Variants in PDK1 observed in about 807,000 individuals in gnomAD.
PDK1 encodes the protein pyruvate dehydrogenase kinase 1, also known as [Pyruvate dehydrogenase (acetyl-transferring)] kinase isozyme 1, mitochondrial.
In PDK1, 39 loss-of-function variants were observed where a neutral mutation model predicts 54.2. The ratio of observed to expected loss-of-function variants is 0.72; its 90% CI spans 0.56 to 0.94. The LOEUF (loss-of-function observed/expected upper bound fraction) is 0.94. Ranked by LOEUF, PDK1 falls within the 40% of genes least tolerant of loss-of-function variation. The pLI is 0.00. For missense variants in PDK1, 552 were observed against 566.0 expected (o/e 0.98, Z 0.25); for synonymous variants, 221 against 207.1 (o/e 1.07, Z -0.58).
the PDK1 span, among the ~76,000 whole-genome samples, chr2:172,704,568 C>T: frequency 6.6e-6 from 1 of 152,162 alleles, no homozygotes; most frequent in Admixed American, 6.5e-5. Flanking sequence ...ACAGGTTCTA[C>T]AGAGTGTGAG....
intron 8 of PDK1, among the ~76,000 whole-genome samples, chr2:172,579,517 C>T (rs899686565): frequency 9.6e-5 from 14 of 145,716 alleles, no homozygotes; most frequent in South Asian, 2.2e-4. Flanking sequence ...CCCCCTCCCC[C>T]GCTCTTTCTT....
the PDK1 span, among the ~76,000 whole-genome samples, chr2:172,682,535 G>T: frequency 6.6e-6 from 1 of 152,190 alleles, no homozygotes; most frequent in African/African-American, 2.4e-5. Context: ...TGGCTAACCA[G>T]GGACCACATT....
Position 172,595,867 on chromosome 2 carries a change from T to C in PDK1, c.1209T>C (p.Tyr403=), listed in dbSNP as rs1271470692. ...ACTCAATAGAAAGACTCCCAGTGTATAACAAAGCTGCCTGGAAGCATTACA... is the reference window on the plus strand; with the variant it reads ...ACTCAATAGAAAGACTCCCAGTGTACAACAAAGCTGCCTGGAAGCATTACA... The part of the protein sequence containing the change: ...STDSIERLPV[Y]NKAAWKHYNT... Residue 403 remains tyrosine (Y), a synonymous_variant, in exon 11 of 11, where the codon TAT becomes TAC. Coordinates refer to ENST00000282077, the MANE Select transcript of PDK1 (RefSeq NM_002610.5). 6.2e-7 allele frequency: 1 copy of C among 1,613,902 alleles called. No individual in the cohort carries two copies. The highest frequency in any genetic ancestry group is 1.3e-5 in the African/African-American group (1 of 75,022).
intron 8 of PDK1, among the ~76,000 whole-genome samples, chr2:172,579,545 T>C (rs1689775255): frequency 7.2e-6 from 1 of 138,164 alleles, no homozygotes; most frequent in Non-Finnish European, 1.5e-5. Flanking sequence ...TTTTTTTTGG[T>C]GCTTTGATAG....
At chr2:172,642,859 TCTC>T in the PDK1 span, among the ~76,000 whole-genome samples, 103 of 147,546 alleles carry the variant, frequency 7.0e-4, 1 homozygote, top group African/African-American at 2.5e-3. Context: ...TTCTCCTCCT[TCTC>T]CTCCTCCTCC....
chr2:172,655,455 C>T, the PDK1 span, among the ~76,000 whole-genome samples: 1 of 152,208 alleles, frequency 6.6e-6, no homozygotes, highest in Non-Finnish European at 1.5e-5. Flanking sequence ...CATTCCACTC[C>T]TTTGGTTATT....
the PDK1 span, among the ~76,000 whole-genome samples, chr2:172,695,948 G>A: frequency 0.053 from 8,120 of 152,094 alleles, 416 homozygotes; most frequent in East Asian, 0.22. Flanking sequence ...TGAGATGGGT[G>A]GATCACCTGA....
At chr2:172,671,043 T>A in the PDK1 span, among the ~76,000 whole-genome samples, 2 of 151,910 alleles carry the variant, frequency 1.3e-5, no homozygotes, top group African/African-American at 2.4e-5. Context: ...TGACTTATCT[T>A]TATAGGAAGG....
At chr2:172,624,878 C>T in the PDK1 span, among the ~76,000 whole-genome samples, 1 of 151,948 alleles carries the variant, frequency 6.6e-6, no homozygotes, top group Admixed American at 6.5e-5. Context: ...ATCCCAGCTA[C>T]TCGGGAGGGT....
chr2:172,703,948 A>AT, the PDK1 span, among the ~76,000 whole-genome samples: 1 of 150,260 alleles, frequency 6.7e-6, no homozygotes, highest in African/African-American at 2.4e-5. Flanking sequence ...AATTTTTTGT[A>AT]TTTTTAGTAG....
In PDK1 at chr2:172,583,694, A is replaced by AT. The variant is rs201426849; in HGVS notation, c.946-2577dup. Reference sequence around the variant, plus strand: ...ATCTTTCAATGGTATTTCAAGGCAGATTTTTTTAGTTATAAAAATCAAAAT... The same window carrying AT: ...ATCTTTCAATGGTATTTCAAGGCAGATTTTTTTTAGTTATAAAAATCAAAAT... On this transcript the variant is annotated intron_variant, in intron 8 of 10. Transcript: ENST00000282077. 4.4e-4 allele frequency among the ~76,000 whole-genome samples: 67 copies of AT among 152,208 alleles called. No individual in the cohort carries two copies. The East Asian group carries it at 9.6e-3, about 22-fold the overall frequency.
chr2:172,614,923 C>T, the PDK1 span, among the ~76,000 whole-genome samples: 4 of 152,168 alleles, frequency 2.6e-5, no homozygotes, highest in Non-Finnish European at 5.9e-5. Flanking sequence ...TGTATTAATT[C>T]TTCATAAATT....
chr2:172,663,819 C>T, the PDK1 span, among the ~76,000 whole-genome samples: 95,233 of 151,902 alleles, frequency 0.63, 31,354 homozygotes, highest in Non-Finnish European at 0.74. Context: ...CTTACTCACC[C>T]TTCAAACTGT....
chr2:172,714,351 T>C, the PDK1 span, among the ~76,000 whole-genome samples: 16 of 152,312 alleles, frequency 1.1e-4, no homozygotes, highest in African/African-American at 3.8e-4. Flanking sequence ...TCTTCTAAGA[T>C]TAGGAAAATT....
At chr2:172,676,264 G>T in the PDK1 span, among the ~76,000 whole-genome samples, 32 of 152,248 alleles carry the variant, frequency 2.1e-4, no homozygotes, top group Admixed American at 5.2e-4. Flanking sequence ...TCTTATTTGA[G>T]AAATACATTT....
the PDK1 span, chr2:172,723,993 T>G: frequency 6.6e-6 from 1 of 152,320 alleles, no homozygotes; most frequent in African/African-American, 2.4e-5. Flanking sequence ...TGATGGTATA[T>G]CCTAAGAATT....
the PDK1 span, among the ~76,000 whole-genome samples, chr2:172,649,586 T>TG: frequency 6.6e-6 from 1 of 151,926 alleles, no homozygotes; most frequent in Admixed American, 6.6e-5. Flanking sequence ...CTAAAAACCT[T>TG]GAAAAAAAAC....
chr2:172,572,055 C>T (rs1356207998), intron 8 of PDK1, among the ~76,000 whole-genome samples: 2 of 152,106 alleles, frequency 1.3e-5, no homozygotes, highest in Non-Finnish European at 2.9e-5. Flanking sequence ...TGGTCTCGAA[C>T]TCGACCTCGT....
the PDK1 span, among the ~76,000 whole-genome samples, chr2:172,620,592 G>A: frequency 1.3e-5 from 2 of 152,126 alleles, no homozygotes; most frequent in Non-Finnish European, 2.9e-5. Flanking sequence ...ATTATAATCC[G>A]CAGTATTGGA....
Sources: gnomAD v4.1 joint callset for allele counts (sites outside exome capture counted in the v4.1 genomes callset) on GRCh38, gnomAD v4.1.1 for gene constraint, MANE v1.5 for transcripts, NCBI Gene and HGNC (gene_info 2026-07-23, HGNC 2026-07-21) for gene names.